The following WDR64 variants were observed in gnomAD, a reference collection of about 807,000 sequenced individuals.
The protein encoded by WDR64 is WD repeat-containing protein 64.
A neutral mutation model predicts 139.3 loss-of-function variants in WDR64; 112 were observed. The ratio of observed to expected loss-of-function variants is 0.80; its 90% CI spans 0.69 to 0.94. The LOEUF (loss-of-function observed/expected upper bound fraction) is 0.94, where lower values mean the gene tolerates loss of function less well. Ranked by LOEUF, WDR64 falls within the 40% of genes least tolerant of loss-of-function variation. The probability of loss-of-function intolerance (pLI) is 0.00; values close to 1 mark genes in which losing one functional copy is unlikely to be tolerated. For missense variants in WDR64, 1,206 were observed against 1,293.1 expected, an observed-to-expected ratio of 0.93 and a Z score of 1.03; for synonymous variants, 444 against 437.7, an observed-to-expected ratio of 1.01 and a Z score of -0.18.
At chr1:241,680,449 A>G (rs1666735597) in intron 6 of WDR64, among the ~76,000 whole-genome samples, 1 of 152,162 alleles carries the variant, frequency 6.6e-6, no homozygotes. Flanking sequence ...ATTAATTTCC[A>G]AACCCCTAAA....
intron 2 of WDR64, among the ~76,000 whole-genome samples, chr1:241,670,201 T>A (rs969345642): frequency 6.6e-6 from 1 of 152,238 alleles, no homozygotes; most frequent in Non-Finnish European, 1.5e-5. Context: ...CGACAGTTTA[T>A]TCACAAATAA....
chr1:241,717,212 C>T (rs572377728), intron 9 of WDR64, among the ~76,000 whole-genome samples: 1 of 152,318 alleles, frequency 6.6e-6, no homozygotes, highest in African/African-American at 2.4e-5. Flanking sequence ...TTCTTACTAC[C>T]TATGAAAATT....
At chr1:241,792,091 A>AC (rs1021745961) in intron 25 of WDR64, among the ~76,000 whole-genome samples, 9 of 152,208 alleles carry the variant, frequency 5.9e-5, no homozygotes, top group African/African-American at 2.2e-4. Flanking sequence ...ACCTACAGTT[A>AC]CCCCACCCTC....
At chr1:241,661,370 A>G (rs1203745476) in intron 2 of WDR64, among the ~76,000 whole-genome samples, 1 of 151,922 alleles carries the variant, frequency 6.6e-6, no homozygotes, top group Non-Finnish European at 1.5e-5. Context: ...GATATAATAA[A>G]TTAGAAGCCT....
intron 10 of WDR64, among the ~76,000 whole-genome samples, chr1:241,730,367 A>G (rs1367170395): frequency 6.6e-6 from 1 of 152,148 alleles, no homozygotes; most frequent in Non-Finnish European, 1.5e-5. Context: ...GCTCTTAGCT[A>G]TGATTGCACA....
chr1:241,741,420 G>A (rs1669534885), intron 11 of WDR64, 96 bp from the exon 12 acceptor site: 7 of 1,031,136 alleles, frequency 6.8e-6, no homozygotes, highest in Non-Finnish European at 8.2e-6. Flanking sequence ...TAATCTCACT[G>A]TTTGGCTGTT....
rs79504929 is a variant in WDR64, at chr1:241,759,929, C to T, written c.1947+2470C>T. 4.2e-3 allele frequency among the ~76,000 whole-genome samples: 647 copies of T among 152,272 alleles called. 8 individuals are homozygous for T. Among genetic ancestry groups the T allele is most frequent in the African/African-American group, 0.015 (624 of 41,552 alleles). Reference sequence around the variant, plus strand: ...ACCAGCATTCTAATTTCCATCTCTACGAACTTACACTGAGGATCTCATATA... The same window carrying T: ...ACCAGCATTCTAATTTCCATCTCTATGAACTTACACTGAGGATCTCATATA... On this transcript the variant is annotated intron_variant, in intron 15 of 27. Coordinates refer to ENST00000437684, the MANE Select transcript of WDR64 (RefSeq NM_001367482.1).
chr1:241,784,693 CGCCTGTAA>C (rs1238978920), intron 23 of WDR64, among the ~76,000 whole-genome samples: 1 of 151,954 alleles, frequency 6.6e-6, no homozygotes, highest in Non-Finnish European at 1.5e-5. Flanking sequence ...TGGTGGCTCA[CGCCTGTAA>C]TCCCAGCACT....
intron 9 of WDR64, among the ~76,000 whole-genome samples, chr1:241,717,635 G>GA (rs1668454892): frequency 6.6e-6 from 1 of 151,436 alleles, no homozygotes; most frequent in Non-Finnish European, 1.5e-5. Context: ...AAAAAAGAAA[G>GA]AAAAAATAGA....
intron 25 of WDR64, among the ~76,000 whole-genome samples, chr1:241,794,504 G>GTT (rs11419039): frequency 0.058 from 4,707 of 81,152 alleles, 433 homozygotes; most frequent in Non-Finnish European, 0.064. Flanking sequence ...AAGCTTTACT[G>GTT]TTTTTTTTTT....
chr1:241,777,161 C>G lies in WDR64; in HGVS notation c.2536+1951C>G, dbSNP rs565412884. ...CCAGGCTGGAGTGCAGTGGTGTGCT[C>G]ATAGCTCACTGTAATCTCCAACTCC... On this transcript the variant is annotated intron_variant, in intron 21 of 27. Coordinates refer to ENST00000437684, the MANE Select transcript of WDR64 (RefSeq NM_001367482.1). 3.9e-5 allele frequency among the ~76,000 whole-genome samples: 6 copies of G among 152,240 alleles called. No homozygotes were observed. The East Asian group carries it at 1.2e-3, about 29-fold the overall frequency.
In WDR64 at chr1:241,673,821, A is replaced by G. The variant is rs913321348; in HGVS notation, c.380-823A>G. On this transcript the variant is annotated intron_variant, in intron 3 of 27. Transcript: ENST00000437684. ...CATAGAAACATAAAAGTGTCTAGCT[A>G]GTCTTTTTTTTTCAAAATGCACATT... Among the ~76,000 whole-genome samples the G allele has an allele frequency of 3.3e-5, 5 of 152,294 alleles. No individual in the cohort carries two copies. The South Asian group carries it at 1.0e-3, about 32-fold the overall frequency.
At chr1:241,723,224 A>C in intron 9 of WDR64, 73 bp from the exon 10 acceptor site, 1 of 1,567,146 alleles carries the variant, frequency 6.4e-7, no homozygotes, top group Non-Finnish European at 8.7e-7. Flanking sequence ...TACGGGTATG[A>C]TACAGTGAGA....
Position 241,708,396 on chromosome 1 carries a change from A to G in WDR64, c.975-3406A>G, listed in dbSNP as rs1313601628. Among the ~76,000 whole-genome samples the G allele has an allele frequency of 4.6e-5, 7 of 152,182 alleles. No homozygotes were observed. In the South Asian group the frequency reaches 1.5e-3, roughly 32 times the overall value. On this transcript the variant is annotated intron_variant, in intron 8 of 27. Coordinates refer to ENST00000437684, the MANE Select transcript of WDR64 (RefSeq NM_001367482.1). Reference sequence around the variant, plus strand: ...CAGTGGCACAATTTCAGCTCACTGGAACTTCCCCTTCAAGGGTCCAGCAGC... The same window carrying G: ...CAGTGGCACAATTTCAGCTCACTGGGACTTCCCCTTCAAGGGTCCAGCAGC...
At chr1:241,744,585 C>G (rs991338298) in intron 13 of WDR64, 69 bp downstream of exon 13, 1 of 1,594,618 alleles carries the variant, frequency 6.3e-7, no homozygotes, top group South Asian at 1.1e-5. Context: ...AAAACTCTTT[C>G]GTTCTTTAGG....
intron 10 of WDR64, among the ~76,000 whole-genome samples, chr1:241,727,003 C>G (rs1325973131): frequency 4.6e-5 from 7 of 152,096 alleles, no homozygotes; most frequent in Non-Finnish European, 1.0e-4. Flanking sequence ...TCTCCTGCCT[C>G]AGCCTCCCAA....
At chr1:241,790,166 C>T (rs1171195709) in intron 24 of WDR64, among the ~76,000 whole-genome samples, 2 of 152,134 alleles carry the variant, frequency 1.3e-5, no homozygotes, top group Non-Finnish European at 2.9e-5. Context: ...GCCTGGCCAA[C>T]ATGGCGAAAC....
At chr1:241,700,598 G>C (rs540965649) in intron 8 of WDR64, among the ~76,000 whole-genome samples, 116 of 152,292 alleles carry the variant, frequency 7.6e-4, no homozygotes, top group African/African-American at 2.7e-3. Flanking sequence ...GTGAGTAAGG[G>C]AGCACTTTGC....
At chr1:241,774,515 G>C (rs1658576486) in intron 20 of WDR64, among the ~76,000 whole-genome samples, 1 of 152,166 alleles carries the variant, frequency 6.6e-6, no homozygotes, top group South Asian at 2.1e-4. Flanking sequence ...CTCTAAGCAA[G>C]ATAATACGTG....
Sources: gnomAD v4.1 joint callset for allele counts (sites outside exome capture counted in the v4.1 genomes callset) on GRCh38, gnomAD v4.1.1 for gene constraint, MANE v1.5 for transcripts, NCBI Gene and HGNC (gene_info 2026-07-23, HGNC 2026-07-21) for gene names.